Variants in MAK observed in about 807,000 individuals in gnomAD.
MAK encodes the protein male germ cell associated kinase.
A neutral mutation model predicts 82.6 loss-of-function variants in MAK; 65 were observed. The ratio of observed to expected loss-of-function variants is 0.79; its 90% CI spans 0.64 to 0.97. The LOEUF (loss-of-function observed/expected upper bound fraction) is 0.97, where lower values mean the gene tolerates loss of function less well. Among genes scored for constraint, MAK ranks in the 50% least tolerant of loss-of-function variants. The pLI is 0.00. For missense variants in MAK, 703 were observed against 780.2 expected (o/e 0.90, Z 1.18); for synonymous variants, 250 against 274.2 (o/e 0.91, Z 0.87).
Position 10,803,739 on chromosome 6 carries a change from AC to A in MAK, c.643del (p.Val215PhefsTer2). ...EVDEIFKICQ[V>X]LGTPKKSDWP... ...ACTTACTTTTTTGGGAGTCCCTAAA[AC>A]TTGGCAAATTTTAAAGATTTCATCG... On this transcript the variant is annotated frameshift_variant, in exon 7 of 15. Transcript: ENST00000354489. LOFTEE classifies it high-confidence loss of function. 1 of 1,614,054 alleles carries A rather than the reference AC, an allele frequency of 6.2e-7. No individual in the cohort carries two copies. Among genetic ancestry groups the A allele is most frequent in the Non-Finnish European group, 8.5e-7 (1 of 1,179,996 alleles).
intron 14 of MAK, among the ~76,000 whole-genome samples, chr6:10,767,676 C>G (rs1399033933): frequency 1.3e-5 from 2 of 151,866 alleles, no homozygotes; most frequent in African/African-American, 4.8e-5. Context: ...GTAGTCCCAG[C>G]TACTCCGGAG....
intron 5 of MAK, among the ~76,000 whole-genome samples, chr6:10,812,351 A>C (rs1413610013): frequency 6.6e-6 from 1 of 152,192 alleles, no homozygotes; most frequent in Non-Finnish European, 1.5e-5. Flanking sequence ...ATTCTAAACA[A>C]ATGTTTTTAA....
At chr6:10,820,614 C>A (rs749829990) in intron 2 of MAK, among the ~76,000 whole-genome samples, 27 of 152,118 alleles carry the variant, frequency 1.8e-4, no homozygotes, top group Non-Finnish European at 2.4e-4. Context: ...GACTATAAGA[C>A]GAAATAAAGG....
intron 10 of MAK, 65 bp downstream of exon 10, chr6:10,791,610 A>C (rs1775089857): frequency 6.9e-7 from 1 of 1,450,850 alleles, no homozygotes; most frequent in East Asian, 2.3e-5. Flanking sequence ...ATGCATTTAT[A>C]TTTAATGAGT....
intron 8 of MAK, among the ~76,000 whole-genome samples, chr6:10,798,626 T>C (rs1775762494): frequency 6.6e-6 from 1 of 151,990 alleles, no homozygotes; most frequent in Non-Finnish European, 1.5e-5. Context: ...TTTTCGGTAT[T>C]TTTTTCTCAT....
chr6:10,834,267 T>G (rs1479126709), intron 1 of MAK, among the ~76,000 whole-genome samples: 1 of 152,206 alleles, frequency 6.6e-6, no homozygotes, highest in African/African-American at 2.4e-5. Context: ...AGAGAATATA[T>G]TTGCACAAAA....
chr6:10,790,752 G>A (rs1775005403), intron 10 of MAK, among the ~76,000 whole-genome samples: 1 of 152,142 alleles, frequency 6.6e-6, no homozygotes, highest in Non-Finnish European at 1.5e-5. Flanking sequence ...GATACGTTTT[G>A]GACATCTGTC....
chr6:10,770,297 A>G lies in MAK; in HGVS notation c.1673-67T>C. 1.9e-6 allele frequency: 3 copies of G among 1,542,528 alleles called. No individual in the cohort carries two copies. The Admixed American group carries it at 5.0e-5, about 26-fold the overall frequency. Reference sequence around the variant, plus strand: ...TTTTAGGCACAGTAGAATAACATTGAATACTACCCCATTACTTCTAAATAC... The same window carrying G: ...TTTTAGGCACAGTAGAATAACATTGGATACTACCCCATTACTTCTAAATAC... On this transcript the variant is annotated intron_variant, in intron 13 of 14. Transcript: ENST00000354489.
chr6:10,764,359 C>T lies in MAK; in HGVS notation c.*93G>A, dbSNP rs1424369603. Reference sequence around the variant, plus strand: ...ACTTTTGCATATTTCTTCCAGAACTCAGTAGAAATAGACATTTGTAGACAT... The same window carrying T: ...ACTTTTGCATATTTCTTCCAGAACTTAGTAGAAATAGACATTTGTAGACAT... On this transcript the variant is annotated 3_prime_UTR_variant, in exon 15 of 15. Coordinates refer to ENST00000354489, the MANE Select transcript of MAK (RefSeq NM_001242957.3). The T allele has an allele frequency of 7.3e-7, 1 of 1,362,624 alleles. No homozygotes were observed. The highest frequency in any genetic ancestry group is 1.4e-5 in the African/African-American group (1 of 69,354). The allele number at this position is 1,362,624 out of a possible 1,614,324, so 84.4% of individuals were successfully genotyped here. A position where few individuals can be genotyped will look rare whatever the true frequency, so the allele number is the denominator to read the frequency against.
rs1403640031 is a variant in MAK, at chr6:10,769,792, T to C, written c.1792+319A>G. 2.6e-5 allele frequency among the ~76,000 whole-genome samples: 4 copies of C among 152,156 alleles called. No individual in the cohort carries two copies. In the South Asian group the frequency reaches 8.3e-4, roughly 32 times the overall value. ...CTCAGGTAAGTTACTTCACCTACAT[T>C]TCATCATCTGTAAAGAAGAGATCTA... On this transcript the variant is annotated intron_variant, in intron 14 of 14. Coordinates refer to ENST00000354489, the MANE Select transcript of MAK (RefSeq NM_001242957.3).
chr6:10,813,120 ATATATATATATATAAATTTTTTTT>A (rs1777138819), intron 5 of MAK, among the ~76,000 whole-genome samples: 2 of 1,588 alleles, frequency 1.3e-3, no homozygotes, highest in African/African-American at 2.8e-3. Flanking sequence ...ATATATATAT[ATATATATATATATAAATTTTTTTT>A]TTTTTTTTTT....
At position 10,773,088 on chromosome 6, in the gene MAK, T is replaced by C. The variant is rs374286792; in HGVS notation, c.1618A>G (p.Ile540Val). Residue 540 changes from isoleucine to valine, a missense_variant, in exon 13 of 15, where the codon ATC becomes GTC. By Grantham distance (29) the Ile-to-Val change is conservative. Coordinates refer to ENST00000354489, the MANE Select transcript of MAK (RefSeq NM_001242957.3). ...GTTTCATTGCATGATAGTTTTTCGA[T>C]TGGTTTAATTATGCTTTCTTCTAAA... is the stretch of plus-strand genomic sequence containing the variant. ...SNAEESIIKPIEKLSCNETFP... is the reference protein window; with the variant it reads ...SNAEESIIKPVEKLSCNETFP... 7 of 1,522,960 alleles carry C rather than the reference T, an allele frequency of 4.6e-6. No homozygotes were observed. The highest frequency in any genetic ancestry group is 3.3e-4 in the Middle Eastern group (2 of 5,976). The allele number at this position is 1,522,960 out of a possible 1,614,324, so 94.3% of individuals were successfully genotyped here.
intron 11 of MAK, among the ~76,000 whole-genome samples, chr6:10,784,207 A>G (rs1774301525): frequency 6.6e-6 from 1 of 152,116 alleles, no homozygotes; most frequent in African/African-American, 2.4e-5. Context: ...CATATTCATC[A>G]TCTTGATTTT....
chr6:10,805,383 C>T (rs925192397), intron 6 of MAK, among the ~76,000 whole-genome samples: 9 of 151,840 alleles, frequency 5.9e-5, no homozygotes, highest in Non-Finnish European at 1.0e-4. Flanking sequence ...GTCAGGAGTT[C>T]GAGACCGGCC....
At position 10,796,147 on chromosome 6, in the gene MAK, C is replaced by A. The variant is rs764142857; in HGVS notation, c.994G>T (p.Val332Phe). ...CTAGTTTTTGGCTGGGGTTGTCCAA[C>A]AACCTGATCGATTATATCCGGCAGA... Reference protein sequence around the residue: ...KPLPDIIDQVVGQPQPKTSQQ... With the variant: ...KPLPDIIDQVFGQPQPKTSQQ... Residue 332 changes from valine (V) to phenylalanine (F), a missense_variant, in exon 9 of 15, where the codon GTT (valine) becomes TTT (phenylalanine). Val to Phe is a conservative substitution (Grantham distance 50, BLOSUM62 -1). Transcript: ENST00000354489. The A allele has an allele frequency of 6.2e-7, 1 of 1,614,158 alleles. No homozygotes were observed. The highest frequency in any genetic ancestry group is 1.1e-5 in the South Asian group (1 of 91,082).
At position 10,822,146 on chromosome 6, in the gene MAK, C is replaced by CAA. The variant is rs751345869; in HGVS notation, c.102-3208_102-3207dup. Reference sequence around the variant, plus strand: ...TGGGCAACAGAGCGAGACTCCGTCTCAAAAAAAAAAAAAAAAAAAAAAGCT... The same window carrying CAA: ...TGGGCAACAGAGCGAGACTCCGTCTCAAAAAAAAAAAAAAAAAAAAAAAAGCT... On this transcript the variant is annotated intron_variant, in intron 2 of 14. Transcript: ENST00000354489. 2.3e-3 allele frequency among the ~76,000 whole-genome samples: 84 copies of CAA among 36,164 alleles called. 1 individual carries two copies. The highest frequency in any genetic ancestry group is 3.5e-3 in the African/African-American group (34 of 9,832). 23.7% of individuals were successfully genotyped at this position (36,164 alleles called of 152,430 possible).
Position 10,770,188 on chromosome 6 carries a change from A to C in MAK, c.1715T>G (p.Ile572Ser), listed in dbSNP as rs79544660. Residue 572 changes from isoleucine (I) to serine (S), a missense_variant, in exon 14 of 15, where the codon ATT becomes AGT. Physicochemically the swap from Ile to Ser is moderately radical, Grantham distance 142 (BLOSUM62 -2). Transcript: ENST00000354489. ...CACTTCTTTTTTGAGAAAGGAAGGA[A>C]TATATCCTGACTGATTGTAAGTAGC... ...SYATYNQSGYIPSFLKKEVQS... is the reference protein window; with the variant it reads ...SYATYNQSGYSPSFLKKEVQS... 6.2e-7 allele frequency: 1 copy of C among 1,614,152 alleles called. No individual in the cohort carries two copies. The highest frequency in any genetic ancestry group is 8.5e-7 in the Non-Finnish European group (1 of 1,179,998).
rs529930242 is a variant in MAK, at chr6:10,773,836, C to T, written c.1598-728G>A. 3.4e-4 allele frequency among the ~76,000 whole-genome samples: 52 copies of T among 151,770 alleles called. 2 individuals are homozygous for T. The highest frequency in any genetic ancestry group is 9.7e-4 in the African/African-American group (40 of 41,374). ...TCTCCTGAGCAGCTGGATTTATAGG[C>T]GCATGCCACCATGCCTGGATTTTTT... On this transcript the variant is annotated intron_variant, in intron 12 of 14. Transcript: ENST00000354489.
chr6:10,821,941 A>G (rs1440369323), intron 2 of MAK, among the ~76,000 whole-genome samples: 3 of 150,844 alleles, frequency 2.0e-5, no homozygotes, highest in African/African-American at 4.9e-5. Context: ...AGGTCAGGAG[A>G]TGGAGACCCT....
Sources: allele counts gnomAD v4.1 joint callset (sites outside exome capture counted in the v4.1 genomes callset), GRCh38; gene constraint gnomAD v4.1.1; transcripts MANE v1.5; gene names NCBI Gene and HGNC (gene_info 2026-07-23, HGNC 2026-07-21).